Variants in ANXA8 observed in about 807,000 individuals in gnomAD.
The protein encoded by ANXA8 is VAC-beta.
A neutral mutation model predicts 26.8 loss-of-function variants in ANXA8; 9 were observed. The ratio of observed to expected loss-of-function variants is 0.34; its 90% confidence interval spans 0.20 to 0.59. The LOEUF (loss-of-function observed/expected upper bound fraction) is 0.59, where lower values mean the gene tolerates loss of function less well. Ranked by LOEUF, ANXA8 falls within the 20% of genes least tolerant of loss-of-function variation. The pLI is 0.84. For missense variants in ANXA8, 83 were observed against 238.5 expected (o/e 0.35, Z 4.29); for synonymous variants, 39 against 94.8 (o/e 0.41, Z 3.42).
At chr10:47,677,181 G>T in the ANXA8 span, among the ~76,000 whole-genome samples, 1 of 151,478 alleles carries the variant, frequency 6.6e-6, no homozygotes, top group Non-Finnish European at 1.5e-5. Context: ...GCATATATGT[G>T]ATTATACAAC....
chr10:47,649,642 C>T, the ANXA8 span, among the ~76,000 whole-genome samples: 201 of 150,928 alleles, frequency 1.3e-3, 2 homozygotes, highest in Non-Finnish European at 2.2e-3. Context: ...CTCCTGACCT[C>T]GTGATCTGCC....
the ANXA8 span, among the ~76,000 whole-genome samples, chr10:47,587,330 T>C: frequency 5.4e-5 from 8 of 149,004 alleles, no homozygotes; most frequent in Non-Finnish European, 1.0e-4. Context: ...TAACTCATTT[T>C]ATAGATGTAA....
the ANXA8 span, among the ~76,000 whole-genome samples, chr10:47,510,805 G>A: frequency 5.3e-3 from 499 of 93,526 alleles, no homozygotes; most frequent in African/African-American, 0.026. Context: ...ACTCCAGGCC[G>A]GGAGACAAAG....
At chr10:47,693,252 T>A in the ANXA8 span, among the ~76,000 whole-genome samples, 1 of 151,542 alleles carries the variant, frequency 6.6e-6, no homozygotes, top group Non-Finnish European at 1.5e-5. Flanking sequence ...GAACCTTAGC[T>A]AATGTACCTT....
chr10:47,956,990 T>A, the ANXA8 span, among the ~76,000 whole-genome samples: 1 of 150,458 alleles, frequency 6.6e-6, no homozygotes, highest in Non-Finnish European at 1.5e-5. Flanking sequence ...TTCCAAAGTA[T>A]CCTTCCCTTA....
the ANXA8 span, among the ~76,000 whole-genome samples, chr10:47,507,754 A>T: frequency 8.6e-6 from 1 of 116,332 alleles, no homozygotes; most frequent in Non-Finnish European, 1.8e-5. Context: ...TTTTTTACAA[A>T]AATATGAGAA....
At chr10:47,549,471 A>G in the ANXA8 span, 33 of 1,087,454 alleles carry the variant, frequency 3.0e-5, no homozygotes, top group African/African-American at 4.7e-4. Flanking sequence ...TTTTAATTGC[A>G]TCCAGTAAAA....
chr10:47,475,319 G>C (rs1839491864), intron 6 of ANXA8, among the ~76,000 whole-genome samples, 174 bp downstream of exon 6: 1 of 151,794 alleles, frequency 6.6e-6, no homozygotes, highest in Admixed American at 6.6e-5. Context: ...CAGGTGTGGG[G>C]GCTCTGCAGT....
chr10:47,733,283 CTTTCTTTCTTTCTT>C, the ANXA8 span, among the ~76,000 whole-genome samples: 1,119 of 79,714 alleles, frequency 0.014, 18 homozygotes, highest in African/African-American at 0.028. Flanking sequence ...TTCTTTCTTT[CTTTCTTTCTTTCTT>C]TTTTTTCTTT....
At chr10:47,552,402 C>T in the ANXA8 span, among the ~76,000 whole-genome samples, 2 of 151,596 alleles carry the variant, frequency 1.3e-5, no homozygotes, top group African/African-American at 4.8e-5. Context: ...ATCGACTGGA[C>T]TAACGAAGTG....
At chr10:47,951,982 A>G in the ANXA8 span, among the ~76,000 whole-genome samples, 1 of 150,542 alleles carries the variant, frequency 6.6e-6, no homozygotes, top group Non-Finnish European at 1.5e-5. Context: ...ATGCAATTCT[A>G]GCAGTTTAAA....
chr10:47,555,325 G>T, the ANXA8 span, among the ~76,000 whole-genome samples: 1 of 151,182 alleles, frequency 6.6e-6, no homozygotes, highest in Non-Finnish European at 1.5e-5. Context: ...AGAGGGCCAT[G>T]GCTGGGTTCC....
chr10:47,584,300 T>C, the ANXA8 span, among the ~76,000 whole-genome samples: 7 of 147,762 alleles, frequency 4.7e-5, no homozygotes. Flanking sequence ...CGTTTCATAA[T>C]GCATTGTTTC....
the ANXA8 span, among the ~76,000 whole-genome samples, chr10:47,673,143 C>A: frequency 6.6e-6 from 1 of 151,442 alleles, no homozygotes; most frequent in Admixed American, 6.6e-5. Flanking sequence ...ACTCTGGCAC[C>A]AAAGAGCAAG....
chr10:47,565,707 C>G, the ANXA8 span: 2 of 483,300 alleles, frequency 4.1e-6, no homozygotes, highest in East Asian at 3.6e-5. Context: ...CTCCCTGAAG[C>G]GTCCTCGGTG....
the ANXA8 span, among the ~76,000 whole-genome samples, chr10:47,982,687 CAAACAA>C: frequency 4.6e-4 from 66 of 144,094 alleles, no homozygotes; most frequent in African/African-American, 1.6e-3. Flanking sequence ...CAGAAGTGAC[CAAACAA>C]AAAAAAATAA....
At chr10:47,691,371 A>G in the ANXA8 span, 1 of 586,640 alleles carries the variant, frequency 1.7e-6, no homozygotes, top group South Asian at 2.0e-5. Flanking sequence ...CCTTTATTGC[A>G]TCTGCATTGC....
At chr10:47,693,598 T>G in the ANXA8 span, among the ~76,000 whole-genome samples, 1 of 151,898 alleles carries the variant, frequency 6.6e-6, no homozygotes, top group Non-Finnish European at 1.5e-5. Flanking sequence ...CCGAGTACAA[T>G]CTTTTATAAA....
At chr10:47,665,008 T>C in the ANXA8 span, among the ~76,000 whole-genome samples, 3 of 145,006 alleles carry the variant, frequency 2.1e-5, no homozygotes, top group Non-Finnish European at 3.0e-5. Flanking sequence ...ATTACAGGTA[T>C]GAGCCACCAC....
Sources: allele counts gnomAD v4.1 joint callset (sites outside exome capture counted in the v4.1 genomes callset), GRCh38; gene constraint gnomAD v4.1.1; transcripts MANE v1.5; gene names NCBI Gene and HGNC (gene_info 2026-07-23, HGNC 2026-07-21).